The following TEAD3 variants were observed in gnomAD, a reference collection of about 807,000 sequenced individuals.
TEAD3 encodes the protein TEA domain transcription factor 3.
A neutral mutation model predicts 55.6 loss-of-function variants in TEAD3; 15 were observed. The observed-to-expected ratio is 0.27, with a 90% CI of 0.18 to 0.42. The LOEUF (loss-of-function observed/expected upper bound fraction) is 0.42. TEAD3 is among the 10% of genes least tolerant of loss of function. The pLI is 1.00. For missense variants in TEAD3, 407 were observed against 576.8 expected (o/e 0.71, Z 3.01); for synonymous variants, 210 against 232.2 (o/e 0.90, Z 0.87).
At chr6:35,476,746 T>C (rs1417865168) in intron 8 of TEAD3, among the ~76,000 whole-genome samples, 1 of 152,232 alleles carries the variant, frequency 6.6e-6, no homozygotes, top group Non-Finnish European at 1.5e-5. Flanking sequence ...CATTTCCTTA[T>C]GGGGAGTTTT....
At chr6:35,478,462 G>A (rs1302011123) in exon 6 of TEAD3, 1 of 1,613,394 alleles carries the variant, frequency 6.2e-7, no homozygotes, top group Non-Finnish European at 8.5e-7. Flanking sequence ...GACGGCCTGG[G>A]GCAGAGGGGA....
intron 8 of TEAD3, 106 bp from the exon 9 acceptor site, chr6:35,476,541 T>G: frequency 6.8e-7 from 1 of 1,470,616 alleles, no homozygotes; most frequent in Non-Finnish European, 9.3e-7. Context: ...GAACATGAGT[T>G]GGATTTTGAC....
In TEAD3 at chr6:35,486,366, C is replaced by A. The variant is rs1421248925; in HGVS notation, c.202+95G>T. 8 of 1,415,238 alleles carry A rather than the reference C, an allele frequency of 5.7e-6. No homozygotes were observed. The East Asian group carries it at 1.5e-4, about 26-fold the overall frequency. The allele number at this position is 1,415,238 out of a possible 1,614,324, so 87.7% of individuals were successfully genotyped here. A position where few individuals can be genotyped will look rare whatever the true frequency, so the allele number is the denominator to read the frequency against. ...TGCGCGCCCAGACTCGCCCGGCCAG[C>A]GGCTGGCGGCCTCCGACGTCACCAA... On this transcript the variant is annotated intron_variant, in intron 2 of 12. Transcript: ENST00000639578. The surrounding 1 kb of genome is among the most constrained non-coding windows in gnomAD (Gnocchi z 7.3).
chr6:35,482,866 C>T (rs1768291926), intron 3 of TEAD3, among the ~76,000 whole-genome samples: 1 of 152,214 alleles, frequency 6.6e-6, no homozygotes, highest in Non-Finnish European at 1.5e-5. Flanking sequence ...GAAGGACCCG[C>T]TGAGAGTTCG....
Position 35,484,610 on chromosome 6 carries a change from T to C in TEAD3, c.217A>G (p.Ile73Val). Residue 73 changes from isoleucine to valine, a missense_variant, in exon 3 of 13, where the codon ATT (isoleucine) becomes GTT (valine). Coordinates refer to ENST00000639578, the Ensembl canonical transcript of TEAD3. This position sits in a 1 kb window ranked among gnomAD's most constrained non-coding sequence, Gnocchi z 5.8. ...GTCCTCAGTTTAATATAGCGTGCAA[T>C]CAACTCATTTCGGCCTAGATTGGGG... 1 of 1,601,414 alleles carries C rather than the reference T, an allele frequency of 6.2e-7. No individual in the cohort carries two copies. The highest frequency in any genetic ancestry group is 8.5e-7 in the Non-Finnish European group (1 of 1,173,952).
Position 35,475,051 on chromosome 6 carries a change from T to C in TEAD3, c.1301A>G (p.Lys434Arg). Reference sequence around the variant, plus strand: ...GGAGGCGCAGAGGGCACCCTAGTCTTTGACGAGCTTGTAGACATGGTGCTG... The same window carrying C: ...GGAGGCGCAGAGGGCACCCTAGTCTCTGACGAGCTTGTAGACATGGTGCTG... Residue 434 changes from lysine (K) to arginine (R), a missense_variant, in exon 13 of 13, where the codon AAA (lysine) becomes AGA (arginine). Transcript: ENST00000639578. This position sits in a 1 kb window ranked among gnomAD's most constrained non-coding sequence, Gnocchi z 5.4. The C allele has an allele frequency of 6.3e-7, 1 of 1,580,396 alleles. No individual in the cohort carries two copies. The highest frequency in any genetic ancestry group is 8.6e-7 in the Non-Finnish European group (1 of 1,162,686).
rs562813814 is a variant in TEAD3, at chr6:35,480,835, A to G, written c.268-713T>C. Reference sequence around the variant, plus strand: ...CTGTGCCTAACCCTGTCCTCCCCGCAAAAAGGGTGACTTTTTCTCACTGGT... The same window carrying G: ...CTGTGCCTAACCCTGTCCTCCCCGCGAAAAGGGTGACTTTTTCTCACTGGT... On this transcript the variant is annotated intron_variant, in intron 3 of 12. Transcript: ENST00000639578. Among the ~76,000 whole-genome samples the G allele has an allele frequency of 2.6e-5, 4 of 152,256 alleles. No individual in the cohort carries two copies. The South Asian group carries it at 6.2e-4, about 24-fold the overall frequency.
Position 35,483,820 on chromosome 6 carries a change from C to T in TEAD3, c.267+740G>A, listed in dbSNP as rs975768223. 6.6e-6 allele frequency among the ~76,000 whole-genome samples: 1 copy of T among 152,182 alleles called. No individual in the cohort carries two copies. The highest frequency in any genetic ancestry group is 6.5e-5 in the Admixed American group (1 of 15,280). ...GGCTGCCCACAGGCACAGCTCTTTC[C>T]TGCCTGGGGGGCTTGAAGAAGTTAC... On this transcript the variant is annotated intron_variant, in intron 3 of 12. Coordinates refer to ENST00000639578, the Ensembl canonical transcript of TEAD3. This position sits in a 1 kb window ranked among gnomAD's most constrained non-coding sequence, Gnocchi z 4.5.
chr6:35,476,442 G>C lies in TEAD3; in HGVS notation c.593-7C>G, dbSNP rs1768150589. ...GGGGCCAGGGGCTCATAACCTGGGA[G>C]GGCGAGACAGATTTTCATCTGCATG... On this transcript the variant is annotated splice_region_variant and splice_polypyrimidine_tract_variant and intron_variant, in intron 8 of 12. Coordinates refer to ENST00000639578, the Ensembl canonical transcript of TEAD3. 1 of 1,612,682 alleles carries C rather than the reference G, an allele frequency of 6.2e-7. No homozygotes were observed. Among genetic ancestry groups the C allele is most frequent in the Non-Finnish European group, 8.5e-7 (1 of 1,179,776 alleles).
At chr6:35,494,337 GC>G (rs1008903187) in intron 1 of TEAD3, among the ~76,000 whole-genome samples, 126 of 152,290 alleles carry the variant, frequency 8.3e-4, no homozygotes, top group African/African-American at 2.9e-3. Flanking sequence ...AACCTCTCTG[GC>G]CCTAACCTCA....
chr6:35,481,544 C>T (rs1334461060), intron 3 of TEAD3, among the ~76,000 whole-genome samples: 1 of 152,232 alleles, frequency 6.6e-6, no homozygotes, highest in African/African-American at 2.4e-5. Context: ...TTACTGACCA[C>T]TTCACGCTGT....
chr6:35,495,758 C>A (rs182054321), intron 1 of TEAD3, among the ~76,000 whole-genome samples: 76 of 152,316 alleles, frequency 5.0e-4, no homozygotes, highest in Middle Eastern at 3.4e-3. Flanking sequence ...GTACAGAGAA[C>A]CAGGCCACAA....
intron 1 of TEAD3, among the ~76,000 whole-genome samples, chr6:35,493,020 C>A (rs934798967): frequency 6.6e-6 from 1 of 152,066 alleles, no homozygotes; most frequent in African/African-American, 2.4e-5. Flanking sequence ...GCCCACTGGG[C>A]TCCCACCAGC....
chr6:35,496,032 C>A lies in TEAD3; in HGVS notation c.-50+866G>T, dbSNP rs1225710713. On this transcript the variant is annotated intron_variant, in intron 1 of 12. Coordinates refer to ENST00000639578, the Ensembl canonical transcript of TEAD3. This position sits in a 1 kb window ranked among gnomAD's most constrained non-coding sequence, Gnocchi z 4.8. ...ACAGAGCGGGGTCTCAATGACACTG[C>A]CCCAGGGCCCAGCTGGGCTGGAAAA... 6.6e-6 allele frequency among the ~76,000 whole-genome samples: 1 copy of A among 152,232 alleles called. No individual in the cohort carries two copies. The highest frequency in any genetic ancestry group is 1.5e-5 in the Non-Finnish European group (1 of 68,032).
chr6:35,481,371 G>A (rs1247932842), intron 3 of TEAD3, among the ~76,000 whole-genome samples: 2 of 152,092 alleles, frequency 1.3e-5, no homozygotes, highest in African/African-American at 2.4e-5. Flanking sequence ...TTGGCAATTG[G>A]CTTTCTTTGC....
chr6:35,480,508 T>C, intron 3 of TEAD3, 134 bp from the exon 4 acceptor site: 2 of 907,190 alleles, frequency 2.2e-6, no homozygotes, highest in Non-Finnish European at 3.4e-6. Context: ...GGGGACCTTT[T>C]TTCTTTTTGA....
At chr6:35,489,026 G>A (rs1344269073) in intron 1 of TEAD3, among the ~76,000 whole-genome samples, 2 of 152,204 alleles carry the variant, frequency 1.3e-5, no homozygotes, top group Non-Finnish European at 2.9e-5. Flanking sequence ...CAAAGTGTTG[G>A]GATTACAGGC....
Position 35,475,516 on chromosome 6 carries a change from T to TC in TEAD3, c.1042-29dup, listed in dbSNP as rs1768125580. The TC allele has an allele frequency of 6.2e-7, 1 of 1,604,694 alleles. No homozygotes were observed. On this transcript the variant is annotated intron_variant, in intron 11 of 12. Transcript: ENST00000639578. The surrounding 1 kb of genome is among the most constrained non-coding windows in gnomAD (Gnocchi z 5.4). ...GCAGAGAATATGGAGAAGGCGTCACTCGGCCTGCCTGCTCCCAGCCCCACC... is the reference window on the plus strand; with the variant it reads ...GCAGAGAATATGGAGAAGGCGTCACTCCGGCCTGCCTGCTCCCAGCCCCACC...
intron 3 of TEAD3, 83 bp downstream of exon 4, chr6:35,480,229 G>A (rs1768238674): frequency 1.9e-6 from 3 of 1,567,772 alleles, no homozygotes; most frequent in Non-Finnish European, 2.6e-6. Flanking sequence ...AGCTGGCCAA[G>A]GAAAGGCCTG....
Sources: allele counts gnomAD v4.1 joint callset (sites outside exome capture counted in the v4.1 genomes callset), GRCh38; gene constraint gnomAD v4.1.1; non-coding constraint Gnocchi (gnomAD v3.1); transcripts MANE v1.5; gene names NCBI Gene and HGNC (gene_info 2026-07-23, HGNC 2026-07-21).